The following CCDC102B variants were observed in gnomAD, a reference collection of about 807,000 sequenced individuals.
CCDC102B encodes the protein coiled-coil domain-containing protein 102B.
CCDC102B carries 75 observed loss-of-function variants against 57.4 expected under a neutral mutation model. That is an observed-to-expected ratio of 1.31 (90% CI 1.08 to 1.58). The LOEUF (loss-of-function observed/expected upper bound fraction) is 1.58. CCDC102B is among the 40% of genes most tolerant of loss of function. The pLI is 0.00. For synonymous variants in CCDC102B, 206 were observed against 201.9 expected (o/e 1.02, Z -0.17); for missense variants, 636 against 582.6 (o/e 1.09, Z -0.94).
intron 6 of CCDC102B, among the ~76,000 whole-genome samples, chr18:68,981,854 C>G (rs1271854660): frequency 6.6e-6 from 1 of 151,766 alleles, no homozygotes; most frequent in South Asian, 2.1e-4. Context: ...GGTTTTCTGT[C>G]CTTGAGATAG....
At chr18:68,922,970 T>C (rs2041338192) in intron 6 of CCDC102B, among the ~76,000 whole-genome samples, 1 of 152,066 alleles carries the variant, frequency 6.6e-6, no homozygotes, top group African/African-American at 2.4e-5. Context: ...TGACATTACT[T>C]AGCCTTCTGA....
intron 6 of CCDC102B, among the ~76,000 whole-genome samples, chr18:68,904,583 A>G (rs1340910952): frequency 1.3e-5 from 2 of 152,212 alleles, no homozygotes; most frequent in East Asian, 1.9e-4. Flanking sequence ...TGTAGAAAGC[A>G]TGTACTGAAA....
chr18:68,998,680 T>A (rs1460581486), intron 6 of CCDC102B, among the ~76,000 whole-genome samples: 3 of 150,368 alleles, frequency 2.0e-5, no homozygotes, highest in African/African-American at 7.3e-5. Context: ...GGTCCAGGAG[T>A]CCAAAAGCTT....
intron 6 of CCDC102B, among the ~76,000 whole-genome samples, chr18:68,914,405 A>G (rs1173637207): frequency 6.6e-6 from 1 of 152,224 alleles, no homozygotes; most frequent in East Asian, 1.9e-4. Context: ...CTGCTGGGAT[A>G]GACTCAGGCC....
chr18:68,979,459 T>C (rs1049567826), intron 6 of CCDC102B, among the ~76,000 whole-genome samples: 1 of 151,850 alleles, frequency 6.6e-6, no homozygotes, highest in Non-Finnish European at 1.5e-5. Flanking sequence ...AAAAAACAAG[T>C]CGGCCAAGCT....
chr18:68,734,545 G>A (rs1412709824), intron 2 of CCDC102B, among the ~76,000 whole-genome samples: 1 of 152,166 alleles, frequency 6.6e-6, no homozygotes, highest in Non-Finnish European at 1.5e-5. Context: ...GATTTTATGT[G>A]CAGTGACTCA....
intron 6 of CCDC102B, among the ~76,000 whole-genome samples, chr18:68,947,139 G>T (rs931173700): frequency 4.0e-5 from 6 of 151,802 alleles, no homozygotes; most frequent in African/African-American, 1.5e-4. Context: ...GTAGAATAAA[G>T]AATTTATTTC....
At chr18:68,974,642 T>C (rs1314192469) in intron 6 of CCDC102B, among the ~76,000 whole-genome samples, 1 of 151,994 alleles carries the variant, frequency 6.6e-6, no homozygotes, top group Non-Finnish European at 1.5e-5. Flanking sequence ...TTTCCCTTAA[T>C]GACCATGAGG....
chr18:68,950,473 T>C (rs1446009730), intron 6 of CCDC102B, among the ~76,000 whole-genome samples: 4 of 152,134 alleles, frequency 2.6e-5, no homozygotes, highest in African/African-American at 9.7e-5. Context: ...AAGTATAATA[T>C]TATGTAGACC....
intron 5 of CCDC102B, among the ~76,000 whole-genome samples, chr18:68,882,178 TATAA>T (rs774354957): frequency 1.3e-4 from 20 of 152,334 alleles, no homozygotes; most frequent in Admixed American, 7.8e-4. Context: ...CAAATAAAAA[TATAA>T]ATAAATAAAC....
upstream of CCDC102B, among the ~76,000 whole-genome samples, chr18:68,796,581 A>G (rs1240303864): frequency 6.6e-6 from 1 of 152,078 alleles, no homozygotes; most frequent in Non-Finnish European, 1.5e-5. Flanking sequence ...CCAGAGAGAG[A>G]ATATACCATT....
At chr18:68,966,225 T>C (rs938056826) in intron 6 of CCDC102B, among the ~76,000 whole-genome samples, 10 of 152,144 alleles carry the variant, frequency 6.6e-5, no homozygotes, top group East Asian at 1.9e-4. Flanking sequence ...ATGACTATAT[T>C]GGGTCTACTG....
At chr18:68,769,524 T>C (rs745979476) in intron 2 of CCDC102B, among the ~76,000 whole-genome samples, 6 of 152,036 alleles carry the variant, frequency 3.9e-5, no homozygotes, top group Admixed American at 6.6e-5. Flanking sequence ...AACCCTACGG[T>C]TCCTCCTGGA....
At chr18:68,899,760 C>CCTACCTA (rs2040373066) in intron 6 of CCDC102B, 2 of 152,006 alleles carry the variant, frequency 1.3e-5, no homozygotes, top group African/African-American at 4.8e-5. Flanking sequence ...CCTATTAATT[C>CCTACCTA]AAAAAGGTAG....
chr18:68,749,559 A>G (rs2033763272), intron 2 of CCDC102B, among the ~76,000 whole-genome samples: 1 of 152,150 alleles, frequency 6.6e-6, no homozygotes, highest in Non-Finnish European at 1.5e-5. Flanking sequence ...GAGTTCACTC[A>G]TGATTTGGCT....
At chr18:68,966,799 A>G (rs1395410981) in intron 6 of CCDC102B, among the ~76,000 whole-genome samples, 1 of 152,058 alleles carries the variant, frequency 6.6e-6, no homozygotes, top group Admixed American at 6.6e-5. Flanking sequence ...CTTTCTGCAG[A>G]TATACTGATG....
chr18:68,887,642 G>A (rs1034719270), intron 5 of CCDC102B, among the ~76,000 whole-genome samples: 1 of 152,190 alleles, frequency 6.6e-6, no homozygotes, highest in African/African-American at 2.4e-5. Context: ...TCCACTCCTA[G>A]AAGAGAAAAC....
intron 2 of CCDC102B, among the ~76,000 whole-genome samples, chr18:68,746,028 A>G (rs1274201978): frequency 6.6e-6 from 1 of 152,170 alleles, no homozygotes; most frequent in Non-Finnish European, 1.5e-5. Context: ...CAGTCATACT[A>G]TTTACATGGT....
At chr18:69,015,707 CAAAG>C (rs1485159102) in intron 7 of CCDC102B, among the ~76,000 whole-genome samples, 1 of 152,060 alleles carries the variant, frequency 6.6e-6, no homozygotes, top group African/African-American at 2.4e-5. Flanking sequence ...ATTAAATAAA[CAAAG>C]AATTTCTTTT....
Sources: gnomAD v4.1 joint callset for allele counts (sites outside exome capture counted in the v4.1 genomes callset) on GRCh38, gnomAD v4.1.1 for gene constraint, MANE v1.5 for transcripts, NCBI Gene and HGNC (gene_info 2026-07-23, HGNC 2026-07-21) for gene names.